ENOX1: variants seen among roughly 807,000 people sequenced by gnomAD.
ENOX1 encodes candidate growth-related and time keeping constitutive hydroquinone (NADH) oxidase.
ENOX1 carries 42 observed loss-of-function variants against 82.5 expected under a neutral mutation model. That is an observed-to-expected ratio of 0.51 (90% CI 0.40 to 0.66). The LOEUF (loss-of-function observed/expected upper bound fraction) is 0.66, where lower values mean the gene tolerates loss of function less well. Among genes scored for constraint, ENOX1 ranks in the 30% least tolerant of loss-of-function variants. The pLI is 0.00. For missense variants in ENOX1, 608 were observed against 811.6 expected (o/e 0.75, Z 3.05); for synonymous variants, 271 against 282.2 (o/e 0.96, Z 0.40).
intron 11 of ENOX1, among the ~76,000 whole-genome samples, chr13:43,312,419 G>C (rs1035355010): frequency 6.6e-6 from 1 of 152,142 alleles, no homozygotes; most frequent in African/African-American, 2.4e-5. Context: ...CAGACCCTGG[G>C]GGTGCAAAGA....
In ENOX1 at chr13:43,416,088, C is replaced by T. The variant is rs111582522; in HGVS notation, c.-74-3100G>A. Among the ~76,000 whole-genome samples the T allele has an allele frequency of 2.6e-3, 349 of 136,466 alleles. 5 individuals are homozygous for T. The East Asian group carries it at 0.045, about 17-fold the overall frequency. The allele number at this position is 136,466 out of a possible 152,430, so 89.5% of individuals were successfully genotyped here. The stretch of plus-strand genomic sequence containing the variant: ...GCAGAGGCGCTCCCCATCTCCCAGA[C>T]GGGGCGGATGGGCAGAGATGCTCCC... On this transcript the variant is annotated intron_variant, in intron 3 of 16. Coordinates refer to ENST00000690772, the MANE Select transcript of ENOX1 (RefSeq NM_001347969.2).
intron 1 of ENOX1, among the ~76,000 whole-genome samples, chr13:43,709,106 A>G (rs2087513945): frequency 6.6e-6 from 1 of 152,196 alleles, no homozygotes; most frequent in African/African-American, 2.4e-5. Context: ...TAAAGAGACA[A>G]CACAATAAGT....
At chr13:43,444,827 T>G (rs2056538532) in intron 3 of ENOX1, among the ~76,000 whole-genome samples, 1 of 152,156 alleles carries the variant, frequency 6.6e-6, no homozygotes, top group Non-Finnish European at 1.5e-5. Flanking sequence ...CTTTTATTAT[T>G]CTCTGTATAA....
At chr13:43,258,353 A>C (rs1013663932) in intron 14 of ENOX1, among the ~76,000 whole-genome samples, 11 of 152,174 alleles carry the variant, frequency 7.2e-5, no homozygotes, top group African/African-American at 2.7e-4. Flanking sequence ...TTCACAGTGA[A>C]TTGCAGCACA....
chr13:43,677,567 T>G (rs1469906943), intron 1 of ENOX1, among the ~76,000 whole-genome samples: 2 of 152,212 alleles, frequency 1.3e-5, no homozygotes, highest in African/African-American at 4.8e-5. Flanking sequence ...TTTCTCTTCT[T>G]TCCTTCAAAT....
chr13:43,447,925 T>C (rs1407940535), intron 3 of ENOX1, among the ~76,000 whole-genome samples: 1 of 152,216 alleles, frequency 6.6e-6, no homozygotes, highest in South Asian at 2.1e-4. Flanking sequence ...ATGCCTTTAA[T>C]TGAGCAGAAA....
intron 1 of ENOX1, among the ~76,000 whole-genome samples, chr13:43,707,770 AGAAAGATTTACAGGACCT>A (rs1186759665): frequency 5.3e-5 from 8 of 150,350 alleles, no homozygotes; most frequent in Non-Finnish European, 1.0e-4. Flanking sequence ...AGAACAAAGT[AGAAAGATTTACAGGACCT>A]GATTCCAAAA....
chr13:43,471,387 G>A (rs2058060445), intron 3 of ENOX1, among the ~76,000 whole-genome samples: 3 of 152,120 alleles, frequency 2.0e-5, no homozygotes, highest in African/African-American at 7.2e-5. Flanking sequence ...ACTCATAAAA[G>A]TTGTGTGTCT....
At chr13:43,650,019 T>G (rs2084083926) in intron 2 of ENOX1, among the ~76,000 whole-genome samples, 2 of 152,194 alleles carry the variant, frequency 1.3e-5, no homozygotes, top group Admixed American at 1.3e-4. Flanking sequence ...CACTCTGCCA[T>G]CCACCAGTCA....
chr13:43,468,997 A>C (rs1368366928), intron 3 of ENOX1, among the ~76,000 whole-genome samples: 1 of 152,186 alleles, frequency 6.6e-6, no homozygotes, highest in Non-Finnish European at 1.5e-5. Flanking sequence ...CTCATAGTCA[A>C]TAGTACATTA....
chr13:43,776,126 C>T (rs1048293196), intron 1 of ENOX1, among the ~76,000 whole-genome samples: 7 of 152,212 alleles, frequency 4.6e-5, no homozygotes, highest in Middle Eastern at 3.4e-3. Context: ...GAGGTATGAA[C>T]TGAAAGCCAA....
chr13:43,543,712 AT>A (rs1165989810), intron 2 of ENOX1, among the ~76,000 whole-genome samples: 7 of 147,652 alleles, frequency 4.7e-5, no homozygotes, highest in Non-Finnish European at 8.9e-5. Context: ...ATCCTGTCTT[AT>A]TGTTCTCATT....
Position 43,334,381 on chromosome 13 carries a change from A to G in ENOX1, c.1037-7856T>C, listed in dbSNP as rs1398635435. On this transcript the variant is annotated intron_variant, in intron 9 of 16. Transcript: ENST00000690772. The stretch of plus-strand genomic sequence containing the variant: ...CCATTATATGATGGGCCAAAGTCTT[A>G]TGAGCTCTGTGGTGTGTAATGTGCT... 2.0e-5 allele frequency among the ~76,000 whole-genome samples: 3 copies of G among 152,206 alleles called. No individual in the cohort carries two copies. In the South Asian group the frequency reaches 6.2e-4, roughly 32 times the overall value.
At chr13:43,430,992 A>C (rs1208055136) in intron 3 of ENOX1, among the ~76,000 whole-genome samples, 1 of 151,994 alleles carries the variant, frequency 6.6e-6, no homozygotes, top group Non-Finnish European at 1.5e-5. Flanking sequence ...TTTGGGGAGA[A>C]AGATATTAAG....
chr13:43,584,939 CA>C (rs2080911597), intron 2 of ENOX1, among the ~76,000 whole-genome samples: 1 of 152,176 alleles, frequency 6.6e-6, no homozygotes, highest in Non-Finnish European at 1.5e-5. Context: ...AAACTGGGAT[CA>C]CTTTCTCCAC....
chr13:43,350,724 C>A (rs553617261), intron 8 of ENOX1, among the ~76,000 whole-genome samples: 3 of 152,202 alleles, frequency 2.0e-5, no homozygotes, highest in Non-Finnish European at 4.4e-5. Flanking sequence ...GGATTACAGG[C>A]GTGAGCCACT....
At chr13:43,268,493 A>G (rs779467883) in intron 13 of ENOX1, among the ~76,000 whole-genome samples, 3 of 152,198 alleles carry the variant, frequency 2.0e-5, no homozygotes, top group Non-Finnish European at 4.4e-5. Context: ...TTATAAACTA[A>G]TATCTGTACT....
chr13:43,366,079 T>C (rs1176450944), intron 5 of ENOX1, among the ~76,000 whole-genome samples: 6 of 152,252 alleles, frequency 3.9e-5, no homozygotes, highest in Non-Finnish European at 8.8e-5. Context: ...AAGTCTCCTA[T>C]TGCAATTGAC....
chr13:43,715,950 C>A (rs1376300909), intron 1 of ENOX1, among the ~76,000 whole-genome samples: 1 of 152,082 alleles, frequency 6.6e-6, no homozygotes, highest in African/African-American at 2.4e-5. Context: ...TTCTAGGTAA[C>A]CATTCGTCTA....
Sources: allele counts gnomAD v4.1 joint callset (sites outside exome capture counted in the v4.1 genomes callset), GRCh38; gene constraint gnomAD v4.1.1; transcripts MANE v1.5; gene names NCBI Gene and HGNC (gene_info 2026-07-23, HGNC 2026-07-21).